CBX5: variants seen among roughly 807,000 people sequenced by gnomAD.
CBX5 encodes the protein chromobox 5.
Under a neutral mutation model 20.7 loss-of-function variants are expected in CBX5, and 7 were observed. The observed-to-expected ratio is 0.34, with a 90% CI of 0.19 to 0.63. The LOEUF is 0.63. Among genes scored for constraint, CBX5 ranks in the 30% least tolerant of loss-of-function variants. CBX5 has a pLI of 0.75. For synonymous variants in CBX5, 78 were observed against 77.0 expected, an observed-to-expected ratio of 1.01 and a Z score of -0.07; for missense variants, 110 against 224.1, an observed-to-expected ratio of 0.49 and a Z score of 3.25.
intron 1 of CBX5, among the ~76,000 whole-genome samples, chr12:54,263,636 G>A (rs1353219403): frequency 6.6e-6 from 1 of 150,596 alleles, no homozygotes; most frequent in African/African-American, 2.4e-5. Context: ...AGGCAGTTAC[G>A]CACCTGTAAT....
intron 1 of CBX5, among the ~76,000 whole-genome samples, chr12:54,259,113 C>T (rs1565871527): frequency 6.6e-6 from 1 of 152,026 alleles, no homozygotes; most frequent in East Asian, 1.9e-4. Context: ...AATGTAGGTG[C>T]GGGGGGGTTA....
intron 3 of CBX5, among the ~76,000 whole-genome samples, chr12:54,246,581 A>C (rs1480894975): frequency 6.6e-6 from 1 of 152,060 alleles, no homozygotes; most frequent in Non-Finnish European, 1.5e-5. Context: ...GGAGTTCAAG[A>C]CCAGCCTGGC....
rs962711297 is a variant in CBX5, at chr12:54,240,323, G to A, written c.*1432C>T. ...TTTTGCTGAGTAAGAAGAAAAGGGT[G>A]TGTCAACATGCTAATGCCAGGGCCT... On this transcript the variant is annotated 3_prime_UTR_variant, in exon 5 of 5. Transcript: ENST00000209875. The A allele has an allele frequency of 2.0e-5, 3 of 152,210 alleles. No individual in the cohort carries two copies. Among genetic ancestry groups the A allele is most frequent in the African/African-American group, 7.2e-5 (3 of 41,446 alleles). The allele number at this position is 152,210 out of a possible 1,614,324, so 9.4% of individuals were successfully genotyped here.
chr12:54,269,045 G>A (rs377158528), intron 1 of CBX5, among the ~76,000 whole-genome samples: 31 of 152,270 alleles, frequency 2.0e-4, no homozygotes, highest in African/African-American at 6.7e-4. Flanking sequence ...GGCGCATCAC[G>A]AGGTCAGGAG....
intron 1 of CBX5, among the ~76,000 whole-genome samples, chr12:54,276,129 C>T (rs1249401404): frequency 6.6e-6 from 1 of 152,054 alleles, no homozygotes; most frequent in Non-Finnish European, 1.5e-5. Flanking sequence ...TAGAAAGTCT[C>T]GGTTTGGCTC....
At chr12:54,272,144 A>T (rs923821509) in intron 1 of CBX5, 3 of 152,232 alleles carry the variant, frequency 2.0e-5, no homozygotes, top group African/African-American at 7.2e-5. Context: ...CGACATAATT[A>T]TATTTTATTC....
At chr12:54,264,485 C>T (rs1186203873) in intron 1 of CBX5, among the ~76,000 whole-genome samples, 1 of 152,184 alleles carries the variant, frequency 6.6e-6, no homozygotes, top group Non-Finnish European at 1.5e-5. Flanking sequence ...ATTTCATTTT[C>T]ATCACCACTT....
intron 1 of CBX5, among the ~76,000 whole-genome samples, chr12:54,269,419 T>C (rs1943988300): frequency 6.6e-6 from 1 of 152,110 alleles, no homozygotes; most frequent in Non-Finnish European, 1.5e-5. Flanking sequence ...AGACAGAGAT[T>C]GCTCTGTTGC....
chr12:54,231,982 T>A lies in CBX5; in HGVS notation c.*9773A>T, dbSNP rs1266955495. 6.6e-6 allele frequency: 1 copy of A among 152,102 alleles called. No homozygotes were observed. Among genetic ancestry groups the A allele is most frequent in the Non-Finnish European group, 1.5e-5 (1 of 68,026 alleles). The allele number at this position is 152,102 out of a possible 1,614,324, so 9.4% of individuals were successfully genotyped here. A position where few individuals can be genotyped will look rare whatever the true frequency, so the allele number is the denominator to read the frequency against. On this transcript the variant is annotated 3_prime_UTR_variant, in exon 5 of 5. Coordinates refer to ENST00000209875, the MANE Select transcript of CBX5 (RefSeq NM_012117.3). ...GGTTGGGGAGTGGTAAGCAATGACA[T>A]AAATCAAAACCATTGAGGGTTGCTT... is the stretch of plus-strand genomic sequence containing the variant.
intron 1 of CBX5, among the ~76,000 whole-genome samples, chr12:54,260,388 G>C (rs143996225): frequency 2.6e-5 from 4 of 152,214 alleles, no homozygotes; most frequent in African/African-American, 9.6e-5. Context: ...AGCTCCTCAG[G>C]GGGCTGAGGG....
intron 1 of CBX5, among the ~76,000 whole-genome samples, chr12:54,274,972 C>T (rs1041595600): frequency 4.6e-5 from 7 of 151,990 alleles, no homozygotes; most frequent in Admixed American, 2.0e-4. Flanking sequence ...AAACAAAAAG[C>T]GACTTAGTCT....
chr12:54,252,394 G>C, intron 2 of CBX5, 167 bp from the exon 3 acceptor site: 4 of 267,410 alleles, frequency 1.5e-5, no homozygotes, highest in Non-Finnish European at 1.3e-5. Flanking sequence ...CAGGAAAAAT[G>C]AAAAAAAAAA....
rs1943639225 is a variant in CBX5, at chr12:54,237,915, G to A, written c.*3840C>T. ...CACAAAAATTTAATAGAGGTGGCCA[G>A]GCACGGTGGCTCATGCCTGTAATTC... On this transcript the variant is annotated 3_prime_UTR_variant, in exon 5 of 5. Transcript: ENST00000209875. 6.6e-6 allele frequency: 1 copy of A among 152,254 alleles called. No individual in the cohort carries two copies. The highest frequency in any genetic ancestry group is 6.5e-5 in the Admixed American group (1 of 15,286). 9.4% of individuals were successfully genotyped at this position (152,254 alleles called of 1,614,324 possible).
Position 54,239,454 on chromosome 12 carries a change from A to G in CBX5, c.*2301T>C, listed in dbSNP as rs1943655171. 6.6e-6 allele frequency: 1 copy of G among 152,218 alleles called. No individual in the cohort carries two copies. The highest frequency in any genetic ancestry group is 2.4e-5 in the African/African-American group (1 of 41,454). 9.4% of individuals were successfully genotyped at this position (152,218 alleles called of 1,614,324 possible). A position where few individuals can be genotyped will look rare whatever the true frequency, so the allele number is the denominator to read the frequency against. ...CTTGGATAGGCTGTCATTTTCTGCAAATCAAGAGACCCATATCACCTCCTC... is the reference window on the plus strand; with the variant it reads ...CTTGGATAGGCTGTCATTTTCTGCAGATCAAGAGACCCATATCACCTCCTC... On this transcript the variant is annotated 3_prime_UTR_variant, in exon 5 of 5. Coordinates refer to ENST00000209875, the MANE Select transcript of CBX5 (RefSeq NM_012117.3).
rs1050495697 is a variant in CBX5 at position 54,235,515 on chromosome 12, G to C, written c.*6240C>G. The C allele has an allele frequency of 6.6e-6, 1 of 152,254 alleles. No homozygotes were observed. Among genetic ancestry groups the C allele is most frequent in the African/African-American group, 2.4e-5 (1 of 41,430 alleles). 9.4% of individuals were successfully genotyped at this position (152,254 alleles called of 1,614,324 possible). A position where few individuals can be genotyped will look rare whatever the true frequency, so the allele number is the denominator to read the frequency against. Reference sequence around the variant, plus strand: ...TGTAGTCCCAGCTCCTCGGGAGGCTGAGGCAGGAGAATGGCGTGAACCCGG... The same window carrying C: ...TGTAGTCCCAGCTCCTCGGGAGGCTCAGGCAGGAGAATGGCGTGAACCCGG... On this transcript the variant is annotated 3_prime_UTR_variant, in exon 5 of 5. Coordinates refer to ENST00000209875, the MANE Select transcript of CBX5 (RefSeq NM_012117.3).
At position 54,238,846 on chromosome 12, in the gene CBX5, T is replaced by C. The variant is rs1016631507; in HGVS notation, c.*2909A>G. ...TTACTGAAAGGCTTAGAAAGATGTC[T>C]TGAAAGAGGACTAAACACAAGAAAA... On this transcript the variant is annotated 3_prime_UTR_variant, in exon 5 of 5. Coordinates refer to ENST00000209875, the MANE Select transcript of CBX5 (RefSeq NM_012117.3). The C allele has an allele frequency of 6.6e-6, 1 of 152,242 alleles. No homozygotes were observed. Among genetic ancestry groups the C allele is most frequent in the Admixed American group, 6.5e-5 (1 of 15,288 alleles). 9.4% of individuals were successfully genotyped at this position (152,242 alleles called of 1,614,324 possible).
chr12:54,250,732 G>C (rs957989987), intron 3 of CBX5, among the ~76,000 whole-genome samples: 35 of 135,316 alleles, frequency 2.6e-4, no homozygotes, highest in Non-Finnish European at 1.8e-4. Context: ...GTGAACCCGG[G>C]AGGCAGAGCT....
chr12:54,253,727 C>CAAAAAAA (rs58403125), intron 2 of CBX5, among the ~76,000 whole-genome samples: 1 of 70,896 alleles, frequency 1.4e-5, no homozygotes, highest in African/African-American at 5.7e-5. Flanking sequence ...GATACCATCT[C>CAAAAAAA]AAAAAAAAAA....
chr12:54,279,829 T>G (rs1356500117), intron 1 of CBX5, among the ~76,000 whole-genome samples, 179 bp downstream of exon 1: 2 of 152,102 alleles, frequency 1.3e-5, no homozygotes, highest in African/African-American at 4.8e-5. Context: ...GCTGCACAGC[T>G]CCAAAGAACC....
Sources: gnomAD v4.1 joint callset for allele counts (sites outside exome capture counted in the v4.1 genomes callset) on GRCh38, gnomAD v4.1.1 for gene constraint, MANE v1.5 for transcripts, NCBI Gene and HGNC (gene_info 2026-07-23, HGNC 2026-07-21) for gene names.